Variants in FXR1 observed in about 807,000 individuals in gnomAD.
FXR1 encodes FMR1 autosomal homolog 1, also known as RNA-binding protein FXR1.
In FXR1, 15 loss-of-function variants were observed where a neutral mutation model predicts 84.0. That is an observed-to-expected ratio of 0.18 (90% CI 0.12 to 0.27). FXR1 has a LOEUF of 0.27. Ranked by LOEUF, FXR1 falls within the 10% of genes least tolerant of loss-of-function variation. The probability of loss-of-function intolerance (pLI) is 1.00; values close to 1 mark genes in which losing one functional copy is unlikely to be tolerated. For missense variants in FXR1, 480 were observed against 774.4 expected (o/e 0.62, Z 4.51); for synonymous variants, 245 against 250.7 (o/e 0.98, Z 0.21).
At chr3:180,918,672 G>GTTT (rs1219413113) in intron 1 of FXR1, among the ~76,000 whole-genome samples, 1 of 152,106 alleles carries the variant, frequency 6.6e-6, no homozygotes, top group Non-Finnish European at 1.5e-5. Flanking sequence ...AAACACCTTG[G>GTTT]TTTTTTCATA....
intron 13 of FXR1, among the ~76,000 whole-genome samples, chr3:180,966,860 A>G (rs764406580): frequency 2.0e-5 from 3 of 152,204 alleles, no homozygotes; most frequent in Non-Finnish European, 4.4e-5. Context: ...GCATCCCAGA[A>G]CTAACAAGTG....
At chr3:180,912,853 G>T (rs1717385798) in intron 1 of FXR1, 117 bp downstream of exon 1, 1 of 1,575,582 alleles carries the variant, frequency 6.3e-7, no homozygotes, top group Admixed American at 1.7e-5. Flanking sequence ...GCCAAAGCTC[G>T]AGGCCGCTGG....
At position 180,979,338 on chromosome 3, in the gene FXR1, G is replaced by A. The variant is rs1465374; in HGVS notation, c.*3046G>A. 1 of 152,090 alleles carries A rather than the reference G, an allele frequency of 6.6e-6. No individual in the cohort carries two copies. Among genetic ancestry groups the A allele is most frequent in the South Asian group, 2.1e-4 (1 of 4,838 alleles). The allele number at this position is 152,090 out of a possible 1,614,324, so 9.4% of individuals were successfully genotyped here. A position where few individuals can be genotyped will look rare whatever the true frequency, so the allele number is the denominator to read the frequency against. On this transcript the variant is annotated 3_prime_UTR_variant, in exon 17 of 17. Transcript: ENST00000357559. The stretch of plus-strand genomic sequence containing the variant: ...CCAGGGACAGATGATTGGTGGTTAA[G>A]AATTACAGTAAAGGAAAATTACACC...
At chr3:180,929,605 G>A (rs1319802235) in intron 1 of FXR1, among the ~76,000 whole-genome samples, 2 of 152,196 alleles carry the variant, frequency 1.3e-5, no homozygotes, top group Non-Finnish European at 2.9e-5. Context: ...GAGACTTAAA[G>A]GCATAAAGCC....
intron 9 of FXR1, among the ~76,000 whole-genome samples, chr3:180,955,426 G>C (rs1334605290): frequency 6.6e-6 from 1 of 152,108 alleles, no homozygotes; most frequent in Non-Finnish European, 1.5e-5. Context: ...AGAAAGATGA[G>C]ATGTTAAAAT....
chr3:180,976,198 T>G lies in FXR1; in HGVS notation c.1772T>G (p.Ile591Ser). 1 of 1,612,860 alleles carries G rather than the reference T, an allele frequency of 6.2e-7. No homozygotes were observed. Among genetic ancestry groups the G allele is most frequent in the South Asian group, 1.1e-5 (1 of 91,046 alleles). Reference sequence around the variant, plus strand: ...CCAACTAGTGCTTCTGGCGATGACATTTCTAAGCTACAGCGTACTCCAGGA... The same window carrying G: ...CCAACTAGTGCTTCTGGCGATGACAGTTCTAAGCTACAGCGTACTCCAGGA... ...NGPTSASGDD[I>S]SKLQRTPGEE... Residue 591 changes from isoleucine to serine, a missense_variant, in exon 17 of 17, where the codon ATT becomes AGT. This residue lies in a region of FXR1 where 94 missense variants were observed against 81.8 expected (regional missense o/e 1.15). Coordinates refer to ENST00000357559, the MANE Select transcript of FXR1 (RefSeq NM_005087.4).
chr3:180,931,322 G>T (rs747810055), intron 1 of FXR1, among the ~76,000 whole-genome samples: 13 of 151,992 alleles, frequency 8.6e-5, no homozygotes, highest in Non-Finnish European at 1.5e-4. Flanking sequence ...GGGTTCAAGC[G>T]ATCCTCCTGC....
chr3:180,973,210 CAG>C lies in FXR1; in HGVS notation c.1604-2100_1604-2099del, dbSNP rs1009017065. 5.9e-5 allele frequency among the ~76,000 whole-genome samples: 9 copies of C among 152,184 alleles called. No homozygotes were observed. The South Asian group carries it at 1.2e-3, about 21-fold the overall frequency. ...ATAAACAGGTTTTTATTTGAATTAA[CAG>C]AGGTTTCTTTTGGCTTCCTTTTATT... On this transcript the variant is annotated intron_variant, in intron 15 of 16. Transcript: ENST00000357559.
intron 1 of FXR1, among the ~76,000 whole-genome samples, chr3:180,925,392 C>T (rs1719055182): frequency 1.3e-5 from 2 of 151,038 alleles, no homozygotes; most frequent in African/African-American, 4.9e-5. Flanking sequence ...CCTCTGTTGT[C>T]TCCAGGATTT....
chr3:180,919,744 G>C (rs915307163), intron 1 of FXR1, among the ~76,000 whole-genome samples: 32 of 152,066 alleles, frequency 2.1e-4, no homozygotes, highest in African/African-American at 7.2e-4. Flanking sequence ...CGCAATCTCA[G>C]CTCACTGCAA....
chr3:180,957,621 G>T (rs1213542604), intron 9 of FXR1, 198 bp from the exon 10 acceptor site: 2 of 468,620 alleles, frequency 4.3e-6, no homozygotes, highest in African/African-American at 4.1e-5. Context: ...CCTTAGGCGT[G>T]CTGAAAGAGA....
rs763260960 is a variant in FXR1 at position 180,935,279 on chromosome 3, ATAAAT to A, written c.198+49_198+53del. 9.7e-6 allele frequency: 8 copies of A among 823,272 alleles called. No individual in the cohort carries two copies. In the South Asian group the frequency reaches 1.2e-4, roughly 12 times the overall value. 51.0% of individuals were successfully genotyped at this position (823,272 alleles called of 1,614,324 possible). On this transcript the variant is annotated intron_variant, in intron 3 of 16. Coordinates refer to ENST00000357559, the MANE Select transcript of FXR1 (RefSeq NM_005087.4). ...TCTTGTGTCTATTTTTTTGATTTAA[ATAAAT>A]ACTCTTTTAGGAGAATTAGCTTAGT...
At chr3:180,952,639 G>C (rs1722343339) in intron 8 of FXR1, among the ~76,000 whole-genome samples, 1 of 151,792 alleles carries the variant, frequency 6.6e-6, no homozygotes, top group African/African-American at 2.4e-5. Context: ...TAAGTAGGCT[G>C]CTTTGAGTAG....
rs1714277699 is a variant in FXR1 at position 180,976,715 on chromosome 3, A to G, written c.*423A>G. The G allele has an allele frequency of 6.5e-6, 1 of 152,914 alleles. No individual in the cohort carries two copies. Among genetic ancestry groups the G allele is most frequent in the African/African-American group, 2.4e-5 (1 of 41,416 alleles). 9.5% of individuals were successfully genotyped at this position (152,914 alleles called of 1,614,324 possible). A position where few individuals can be genotyped will look rare whatever the true frequency, so the allele number is the denominator to read the frequency against. On this transcript the variant is annotated 3_prime_UTR_variant, in exon 17 of 17. Coordinates refer to ENST00000357559, the MANE Select transcript of FXR1 (RefSeq NM_005087.4). ...ACTAGAATGAAATGCAGTCTAAAAT[A>G]TTTTGCACTGAATTGTAATTTCTTC...
intron 1 of FXR1, among the ~76,000 whole-genome samples, chr3:180,919,334 G>T (rs1718284193): frequency 6.7e-6 from 1 of 148,954 alleles, no homozygotes; most frequent in South Asian, 2.1e-4. Flanking sequence ...GCCCAGGCTG[G>T]AGTGCAGTGG....
chr3:180,932,622 C>T (rs1720068662), intron 1 of FXR1, among the ~76,000 whole-genome samples: 1 of 152,106 alleles, frequency 6.6e-6, no homozygotes. Flanking sequence ...TGAAAAATGA[C>T]CGCCAATTGT....
chr3:180,919,397 G>A (rs919432069), intron 1 of FXR1, among the ~76,000 whole-genome samples: 9 of 147,932 alleles, frequency 6.1e-5, no homozygotes, highest in Non-Finnish European at 1.2e-4. Flanking sequence ...TGATTCTCAT[G>A]CCTGAGCCAC....
intron 1 of FXR1, among the ~76,000 whole-genome samples, chr3:180,913,278 G>A (rs1717464049): frequency 6.6e-6 from 1 of 152,186 alleles, no homozygotes; most frequent in South Asian, 2.1e-4. Flanking sequence ...GGAGAATGGG[G>A]GTACCGGATT....
At chr3:180,948,962 T>G in intron 6 of FXR1, 148 bp downstream of exon 6, 1 of 624,732 alleles carries the variant, frequency 1.6e-6, no homozygotes, top group East Asian at 2.7e-5. Context: ...TTTGCAGCTA[T>G]AAAATGTTAA....
Sources: gnomAD v4.1 joint callset for allele counts (sites outside exome capture counted in the v4.1 genomes callset) on GRCh38, gnomAD v4.1.1 for gene constraint, gnomAD v4.1.1 regional missense constraint, MANE v1.5 for transcripts, NCBI Gene and HGNC (gene_info 2026-07-23, HGNC 2026-07-21) for gene names.